Variants in CHTF18 observed in about 807,000 individuals in gnomAD.
CHTF18 encodes the protein chromosome transmission fidelity factor 18.
In CHTF18, 151 loss-of-function variants were observed where a neutral mutation model predicts 113.4. The ratio of observed to expected loss-of-function variants is 1.33; its 90% CI spans 1.17 to 1.52. CHTF18 has a LOEUF of 1.52. Among genes scored for constraint, CHTF18 ranks in the 40% most tolerant of loss-of-function variants. The pLI is 0.00. For synonymous variants in CHTF18, 916 were observed against 598.8 expected (o/e 1.53, Z -7.74); for missense variants, 1,982 against 1,381.6 (o/e 1.43, Z -6.89).
chr16:790,776 G>A lies in CHTF18; in HGVS notation c.894+110G>A, dbSNP rs568102125. The A allele has an allele frequency of 8.3e-6, 12 of 1,438,032 alleles. No individual in the cohort carries two copies. The South Asian group carries it at 1.5e-4, about 18-fold the overall frequency. The allele number at this position is 1,438,032 out of a possible 1,614,324, so 89.1% of individuals were successfully genotyped here. ...CAATCCACTGGGCCTCGGAGACGGA[G>A]TGGGCTCTGGTTTGCCCTTTTGAGT... On this transcript the variant is annotated intron_variant, in intron 7 of 21. Coordinates refer to ENST00000262315, the MANE Select transcript of CHTF18 (RefSeq NM_022092.3).
At chr16:790,935 G>A (rs2042179986) in intron 7 of CHTF18, 3 of 1,433,140 alleles carry the variant, frequency 2.1e-6, no homozygotes, top group South Asian at 1.5e-5. Flanking sequence ...TGACACTGGA[G>A]TGCCCCTGGG....
At position 797,563 on chromosome 16, in the gene CHTF18, C is replaced by G. The variant is rs911297721; in HGVS notation, c.2734-131C>G. On this transcript the variant is annotated intron_variant, in intron 20 of 21. Transcript: ENST00000262315. Reference sequence around the variant, plus strand: ...AGGGGTGAGGGGCAGCTGGCCTGGGCCAGGTTCCGAAAGGTGTCTCAGAGG... The same window carrying G: ...AGGGGTGAGGGGCAGCTGGCCTGGGGCAGGTTCCGAAAGGTGTCTCAGAGG... The G allele has an allele frequency of 1.2e-5, 11 of 928,942 alleles. 1 individual carries two copies. In the East Asian group the frequency reaches 2.6e-4, roughly 22 times the overall value. The allele number at this position is 928,942 out of a possible 1,614,324, so 57.5% of individuals were successfully genotyped here.
Position 795,734 on chromosome 16 carries a change from C to G in CHTF18, c.2225C>G (p.Ser742Cys), listed in dbSNP as rs778444596. The stretch of plus-strand genomic sequence containing the variant: ...AGGAACCTGATCCAGACGCTGGTGT[C>G]CGGCATCGCGCCAGCCACGCGCAGC... ...QMRNLIQTLVSGIAPATRSRA... is the reference protein window; with the variant it reads ...QMRNLIQTLVCGIAPATRSRA... The change falls in exon 17 of 22, where the codon TCC (serine) becomes TGC (cysteine). Residue 742 changes from serine to cysteine, a missense_variant. Ser to Cys is a moderately radical substitution (Grantham distance 112). Coordinates refer to ENST00000262315, the MANE Select transcript of CHTF18 (RefSeq NM_022092.3). 6.2e-7 allele frequency: 1 copy of G among 1,607,682 alleles called. No homozygotes were observed. Among genetic ancestry groups the G allele is most frequent in the East Asian group, 2.2e-5 (1 of 44,612 alleles).
At chr16:791,527 T>TG in intron 8 of CHTF18, 157 bp downstream of exon 8, 1 of 1,436,086 alleles carries the variant, frequency 7.0e-7, no homozygotes, top group Non-Finnish European at 9.1e-7. Flanking sequence ...ACTGGAGCGT[T>TG]GCAGTAACAA....
chr16:791,963 G>T lies in CHTF18; in HGVS notation c.1202+15G>T. The T allele has an allele frequency of 6.3e-7, 1 of 1,599,276 alleles. No individual in the cohort carries two copies. Among genetic ancestry groups the T allele is most frequent in the South Asian group, 1.1e-5 (1 of 88,388 alleles). On this transcript the variant is annotated intron_variant, in intron 9 of 21. Coordinates refer to ENST00000262315, the MANE Select transcript of CHTF18 (RefSeq NM_022092.3). ...ATGAACGCCAGGTGAGTGATGTGAG[G>T]TCCGTCTCTGGCTCGCCTTCTGTCC...
intron 4 of CHTF18, 199 bp from the exon 5 acceptor site, chr16:789,978 C>G (rs13333628): frequency 6.5e-6 from 10 of 1,535,188 alleles, no homozygotes; most frequent in South Asian, 2.4e-5. Flanking sequence ...CTCCTTTCTC[C>G]TAAAGCTGCC....
Position 796,097 on chromosome 16 carries a change from G to A in CHTF18, c.2456+20G>A. ...GGAGCCGTGAGTCCCCCAGTGCCTG[G>A]GGTGTGCTCCAGGGTCATGCTCCCC... On this transcript the variant is annotated intron_variant, in intron 18 of 21. Transcript: ENST00000262315. 6.3e-7 allele frequency: 1 copy of A among 1,592,396 alleles called. No individual in the cohort carries two copies. Among genetic ancestry groups the A allele is most frequent in the East Asian group, 2.3e-5 (1 of 43,640 alleles).
In CHTF18 at chr16:796,657, G is replaced by A. The variant is rs2042356185; in HGVS notation, c.2457-60G>A. ...GGGTTTGCGGTTGGAGTGCCCGGCGGCTCTCTGGCCCTGAGCCTGGCCCCG... is the reference window on the plus strand; with the variant it reads ...GGGTTTGCGGTTGGAGTGCCCGGCGACTCTCTGGCCCTGAGCCTGGCCCCG... On this transcript the variant is annotated intron_variant, in intron 18 of 21. Transcript: ENST00000262315. 3.3e-6 allele frequency: 5 copies of A among 1,500,072 alleles called. No individual in the cohort carries two copies. The South Asian group carries it at 3.8e-5, about 11-fold the overall frequency. The allele number at this position is 1,500,072 out of a possible 1,614,324, so 92.9% of individuals were successfully genotyped here.
intron 8 of CHTF18, 184 bp from the exon 9 acceptor site, chr16:791,667 G>A: frequency 3.5e-6 from 5 of 1,428,166 alleles, no homozygotes; most frequent in South Asian, 1.5e-5. Context: ...TTTGCTTTGT[G>A]TAGGTTTTTT....
Position 791,322 on chromosome 16 carries a change from G to A in CHTF18, c.1056G>A (p.Glu352=). 6.2e-7 allele frequency: 1 copy of A among 1,609,874 alleles called. No individual in the cohort carries two copies. The highest frequency in any genetic ancestry group is 8.5e-7 in the Non-Finnish European group (1 of 1,179,514). ...GKWKSHEQVL[E]EMLEAGLDPS... is the part of the protein sequence containing the mutation. ...GGAAGAGCCACGAACAGGTGCTGGA[G>A]GAGATGCTGGAGGCTGGGCTGGACC... Residue 352 remains glutamate, a synonymous_variant, in exon 8 of 22, where the codon GAG becomes GAA. Coordinates refer to ENST00000262315, the MANE Select transcript of CHTF18 (RefSeq NM_022092.3).
chr16:797,265 G>A (rs1216424553), intron 20 of CHTF18, among the ~76,000 whole-genome samples, 173 bp downstream of exon 20: 1 of 150,862 alleles, frequency 6.6e-6, no homozygotes. Context: ...GCTGTGGCTA[G>A]GGCAGTCATG....
chr16:794,096 C>T lies in CHTF18; in HGVS notation c.1845C>T (p.Leu615=). The T allele has an allele frequency of 6.2e-7, 1 of 1,612,396 alleles. No individual in the cohort carries two copies. ...ACCCCGCCCTGCCTGCTGACACACT[C>T]CTGCTGGGTGACGGGGACGCGGGCT... The part of the protein sequence containing the change: ...GQDPALPADT[L]LLGDGDAGSL... Residue 615 remains leucine (L), a synonymous_variant, in exon 15 of 22, where the codon CTC becomes CTT. Transcript: ENST00000262315.
intron 15 of CHTF18, chr16:794,810 G>A: frequency 2.6e-6 from 1 of 389,782 alleles, no homozygotes; most frequent in Non-Finnish European, 4.7e-6. Context: ...GGGGCTGAGT[G>A]AGGCTGGATC....
chr16:790,098 C>G (rs532222240), intron 4 of CHTF18, 79 bp from the exon 5 acceptor site: 44 of 1,540,398 alleles, frequency 2.9e-5, no homozygotes, highest in East Asian at 1.2e-4. Flanking sequence ...CCACCCGGGT[C>G]CCTGAGCACT....
At chr16:797,635 G>A in intron 20 of CHTF18, 59 bp from the exon 21 acceptor site, 2 of 1,579,158 alleles carry the variant, frequency 1.3e-6, no homozygotes, top group Non-Finnish European at 1.7e-6. Context: ...CTCCTGTCTT[G>A]GGTAGGGGCT....
chr16:793,057 C>T lies in CHTF18; in HGVS notation c.1664C>T (p.Thr555Ile), dbSNP rs749727036. Residue 555 changes from threonine (T) to isoleucine (I), a missense_variant, in exon 13 of 22, where the codon ACC becomes ATC. Transcript: ENST00000262315. ...AATGACATCCGGGCCTGCATCAACA[C>T]CCTGCAGGTGGGCGGCCGGCAGGCA... is the stretch of plus-strand genomic sequence containing the variant. Reference protein sequence around the residue: ...TDNDIRACINTLQFLYSRGQR... With the variant: ...TDNDIRACINILQFLYSRGQR... 1.7e-5 allele frequency: 27 copies of T among 1,547,156 alleles called. No homozygotes were observed. Among genetic ancestry groups the T allele is most frequent in the East Asian group, 2.5e-5 (1 of 39,638 alleles).
intron 18 of CHTF18, chr16:796,476 T>C: frequency 1.7e-6 from 1 of 586,614 alleles, no homozygotes; most frequent in Non-Finnish European, 3.0e-6. Context: ...TGAGTCACTC[T>C]CCGTGGCAGC....
At position 792,748 on chromosome 16, in the gene CHTF18, G is replaced by T. The variant is rs372148511; in HGVS notation, c.1509G>T (p.Gln503His). The change falls in exon 12 of 22, where the codon CAG becomes CAT. Residue 503 changes from glutamine (Q) to histidine (H), a missense_variant. Coordinates refer to ENST00000262315, the MANE Select transcript of CHTF18 (RefSeq NM_022092.3). ...QFAPSLRQLK[Q>H]QAFLLHFPPT... ...CACCGTCCCTGCGGCAGCTGAAGCA[G>T]CAGGCCTTCCTGCTCCACTTCCCGC... The T allele has an allele frequency of 3.2e-6, 5 of 1,553,306 alleles. No individual in the cohort carries two copies. The highest frequency in any genetic ancestry group is 4.3e-6 in the Non-Finnish European group (5 of 1,153,796).
chr16:790,347 C>T lies in CHTF18; in HGVS notation c.700C>T (p.Arg234Trp), dbSNP rs200891692. 715 of 1,609,374 alleles carry T rather than the reference C, an allele frequency of 4.4e-4. 2 individuals carry two copies. Among genetic ancestry groups the T allele is most frequent in the Non-Finnish European group, 5.4e-4 (637 of 1,178,788 alleles). The stretch of plus-strand genomic sequence containing the variant: ...TGATTCCAGCCTGTTGTTTGCACAG[C>T]GGCGGGAGCGGCTGCTTCAGGAGGC... ...ASLKKQVDGE[R>W]RERLLQEAQK... Residue 234 changes from arginine to tryptophan, a missense_variant and splice_region_variant, in exon 6 of 22, where the codon CGG (arginine) becomes TGG (tryptophan). Transcript: ENST00000262315.
Sources: allele counts gnomAD v4.1 joint callset (sites outside exome capture counted in the v4.1 genomes callset), GRCh38; gene constraint gnomAD v4.1.1; transcripts MANE v1.5; gene names NCBI Gene and HGNC (gene_info 2026-07-23, HGNC 2026-07-21).